Variants in MALRD1 observed in about 807,000 individuals in gnomAD.
MALRD1 encodes the protein MAM and LDL-receptor class A domain-containing protein 1.
MALRD1 carries 247 observed loss-of-function variants against 242.1 expected under a neutral mutation model. The ratio of observed to expected loss-of-function variants is 1.02; its 90% confidence interval spans 0.92 to 1.13. The LOEUF is 1.13. Among genes scored for constraint, MALRD1 ranks in the 50% most tolerant of loss-of-function variants. The pLI is 0.00. For missense variants in MALRD1, 2,989 were observed against 2,533.1 expected (o/e 1.18, Z -3.86); for synonymous variants, 995 against 866.6 (o/e 1.15, Z -2.60).
At position 19,186,952 on chromosome 10, in the gene MALRD1, C is replaced by T. The variant is rs1003220558; in HGVS notation, c.1951+11624C>T. Among the ~76,000 whole-genome samples the T allele has an allele frequency of 5.9e-5, 9 of 152,144 alleles. No individual in the cohort carries two copies. The South Asian group carries it at 6.2e-4, about 10-fold the overall frequency. ...GTGTTCCAAGCATCCAAGCAATCGA[C>T]GTCTCCCTGCCTTGCAGAAACACAC... On this transcript the variant is annotated intron_variant, in intron 14 of 39. Coordinates refer to ENST00000454679, the MANE Select transcript of MALRD1 (RefSeq NM_001142308.3).
At chr10:19,497,807 A>G (rs1167843865) in intron 30 of MALRD1, among the ~76,000 whole-genome samples, 3 of 152,154 alleles carry the variant, frequency 2.0e-5, no homozygotes, top group African/African-American at 2.4e-5. Context: ...CTGATGTACA[A>G]AAAAAAGAAA....
intron 4 of MALRD1, among the ~76,000 whole-genome samples, chr10:19,094,832 A>C (rs1835963347): frequency 6.6e-6 from 1 of 152,214 alleles, no homozygotes; most frequent in African/African-American, 2.4e-5. Flanking sequence ...CAAGCCTATA[A>C]AACACAAACT....
intron 26 of MALRD1, among the ~76,000 whole-genome samples, chr10:19,354,201 G>A (rs1027955691): frequency 1.3e-5 from 2 of 152,174 alleles, no homozygotes; most frequent in South Asian, 2.1e-4. Flanking sequence ...TTTAAAGTAT[G>A]TACAAAATAG....
chr10:19,560,470 AAAAAT>A (rs757884407), intron 32 of MALRD1, among the ~76,000 whole-genome samples: 18 of 152,188 alleles, frequency 1.2e-4, no homozygotes, highest in African/African-American at 2.2e-4. Flanking sequence ...CTCCATCTGA[AAAAAT>A]AAAATAAAAT....
chr10:19,231,761 T>C (rs1045815743), intron 18 of MALRD1, among the ~76,000 whole-genome samples: 2 of 152,166 alleles, frequency 1.3e-5, no homozygotes, highest in African/African-American at 4.8e-5. Context: ...TGGGTATGAC[T>C]TTATTAGCAG....
intron 19 of MALRD1, among the ~76,000 whole-genome samples, chr10:19,263,217 A>G (rs562145455): frequency 2.0e-5 from 3 of 152,210 alleles, no homozygotes; most frequent in Non-Finnish European, 4.4e-5. Flanking sequence ...AGCAACCTCC[A>G]TACTGTTTTT....
At chr10:19,065,287 C>CAA (rs1197670439) in intron 1 of MALRD1, among the ~76,000 whole-genome samples, 2,559 of 50,420 alleles carry the variant, frequency 0.051, 147 homozygotes, top group African/African-American at 0.11. Context: ...AACGCTGTCT[C>CAA]AAAAAAAAAA....
intron 36 of MALRD1, among the ~76,000 whole-genome samples, chr10:19,683,827 G>T (rs976928950): frequency 6.6e-6 from 1 of 152,082 alleles, no homozygotes; most frequent in African/African-American, 2.4e-5. Context: ...TTGCTACATA[G>T]GTATACATGT....
intron 18 of MALRD1, among the ~76,000 whole-genome samples, chr10:19,237,072 ATAATGATCCAATAAGGATAGT>A (rs2131718866): frequency 6.6e-6 from 1 of 152,184 alleles, no homozygotes; most frequent in South Asian, 2.1e-4. Context: ...TGTATGTTGT[ATAATGATCCAATAAGGATAGT>A]TAGTGTATTA....
intron 28 of MALRD1, among the ~76,000 whole-genome samples, chr10:19,415,296 TAA>T (rs879689505): frequency 2.0e-5 from 3 of 152,198 alleles, no homozygotes; most frequent in Non-Finnish European, 4.4e-5. Flanking sequence ...GAGATTAGTA[TAA>T]GACTTGTATT....
intron 7 of MALRD1, among the ~76,000 whole-genome samples, chr10:19,126,017 C>T (rs778755480): frequency 1.3e-5 from 2 of 151,476 alleles, no homozygotes; most frequent in Non-Finnish European, 2.9e-5. Context: ...GTTCTCACTT[C>T]GAAATAATAA....
At chr10:19,481,834 G>C (rs1054512317) in intron 29 of MALRD1, among the ~76,000 whole-genome samples, 1 of 152,088 alleles carries the variant, frequency 6.6e-6, no homozygotes, top group Non-Finnish European at 1.5e-5. Flanking sequence ...TAACACGCCA[G>C]TACAAGCTGG....
chr10:19,727,924 G>A (rs934628948), intron 38 of MALRD1, among the ~76,000 whole-genome samples: 1 of 152,086 alleles, frequency 6.6e-6, no homozygotes, highest in Non-Finnish European at 1.5e-5. Flanking sequence ...AATTGACATA[G>A]TTGATGAAAA....
At chr10:19,604,961 T>G (rs1467577760) in intron 34 of MALRD1, among the ~76,000 whole-genome samples, 1 of 152,094 alleles carries the variant, frequency 6.6e-6, no homozygotes, top group Non-Finnish European at 1.5e-5. Flanking sequence ...AACATTATCT[T>G]TAAGATTTTG....
rs1324149128 is a variant in MALRD1 at position 19,692,313 on chromosome 10, C to T, written c.6169C>T (p.His2057Tyr). 1 of 1,535,136 alleles carries T rather than the reference C, an allele frequency of 6.5e-7. No homozygotes were observed. The highest frequency in any genetic ancestry group is 8.7e-7 in the Non-Finnish European group (1 of 1,146,346). The change falls in exon 37 of 40, where the codon CAT becomes TAT. Residue 2057 changes from histidine (H) to tyrosine (Y), a missense_variant. His to Tyr is a moderately conservative substitution (Grantham distance 83). Transcript: ENST00000454679. ...ACAAGGCTGGAAAGGAAATCGATGC[C>T]ATATCAAGTTTAATCCTCCTGCTAC... ...CRQGWKGNRC[H>Y]IKFNPPATDF...
At chr10:19,162,247 A>G (rs974102706) in intron 12 of MALRD1, among the ~76,000 whole-genome samples, 1 of 152,164 alleles carries the variant, frequency 6.6e-6, no homozygotes, top group African/African-American at 2.4e-5. Flanking sequence ...AATGCCTTAT[A>G]CATTTTTTTG....
chr10:19,346,174 A>T (rs1844112134), intron 24 of MALRD1, among the ~76,000 whole-genome samples: 1 of 152,174 alleles, frequency 6.6e-6, no homozygotes, highest in Non-Finnish European at 1.5e-5. Context: ...ACTTGGGATA[A>T]CTATAAGAAT....
chr10:19,256,518 A>T (rs994699527), intron 18 of MALRD1, among the ~76,000 whole-genome samples: 1 of 152,056 alleles, frequency 6.6e-6, no homozygotes. Flanking sequence ...AAACAGCGGG[A>T]CACTTCCTGT....
Position 19,567,640 on chromosome 10 carries a change from G to A in MALRD1, c.5617G>A (p.Gly1873Arg). 1 of 1,550,662 alleles carries A rather than the reference G, an allele frequency of 6.4e-7. No homozygotes were observed. ...FKVAFEADLD[G>R]NEDIFIALDD... ...GGTGGCATTTGAAGCTGATTTGGAT[G>A]GAAATGAGGACATCTTTATTGCTCT... The change falls in exon 33 of 40, where the codon GGA becomes AGA. Residue 1873 changes from glycine to arginine, a missense_variant. Gly to Arg is a moderately radical substitution (Grantham distance 125). Transcript: ENST00000454679.
Sources: gnomAD v4.1 joint callset for allele counts (sites outside exome capture counted in the v4.1 genomes callset) on GRCh38, gnomAD v4.1.1 for gene constraint, MANE v1.5 for transcripts, NCBI Gene and HGNC (gene_info 2026-07-23, HGNC 2026-07-21) for gene names.